EYA2: variants seen among roughly 807,000 people sequenced by gnomAD.
The protein encoded by EYA2 is EYA transcriptional coactivator and phosphatase 2, also known as protein phosphatase EYA2.
A neutral mutation model predicts 69.2 loss-of-function variants in EYA2; 31 were observed. The ratio of observed to expected loss-of-function variants is 0.45; its 90% confidence interval spans 0.34 to 0.60. EYA2 has a LOEUF of 0.60. Ranked by LOEUF, EYA2 falls within the 20% of genes least tolerant of loss-of-function variation. The pLI is 0.02. For synonymous variants in EYA2, 257 were observed against 279.4 expected, an observed-to-expected ratio of 0.92 and a Z score of 0.80; for missense variants, 622 against 701.2, an observed-to-expected ratio of 0.89 and a Z score of 1.28.
At chr20:47,118,822 A>C (rs2032971845) in intron 9 of EYA2, among the ~76,000 whole-genome samples, 1 of 152,170 alleles carries the variant, frequency 6.6e-6, no homozygotes. Flanking sequence ...CCACAGATTT[A>C]ACAAACACAG....
At chr20:47,121,168 C>T (rs2033034336) in intron 9 of EYA2, among the ~76,000 whole-genome samples, 1 of 152,138 alleles carries the variant, frequency 6.6e-6, no homozygotes, top group Non-Finnish European at 1.5e-5. Flanking sequence ...AACCTCAGCT[C>T]ACTGCAACCT....
At chr20:46,955,786 T>C (rs977224627) in intron 1 of EYA2, among the ~76,000 whole-genome samples, 1 of 152,252 alleles carries the variant, frequency 6.6e-6, no homozygotes, top group African/African-American at 2.4e-5. Flanking sequence ...GTAGTTCATG[T>C]TGCTTATATG....
chr20:47,030,858 G>A (rs1984371101), intron 5 of EYA2, among the ~76,000 whole-genome samples: 1 of 152,186 alleles, frequency 6.6e-6, no homozygotes, highest in Admixed American at 6.5e-5. Context: ...CTGGACTCAA[G>A]CGATCCTCTC....
At chr20:47,011,795 C>G (rs2146362726) in intron 4 of EYA2, among the ~76,000 whole-genome samples, 1 of 152,268 alleles carries the variant, frequency 6.6e-6, no homozygotes, top group Middle Eastern at 3.4e-3. Flanking sequence ...ACCTCCTTCC[C>G]TGCTTCATTC....
At chr20:47,010,789 ATTT>A (rs10608509) in intron 4 of EYA2, among the ~76,000 whole-genome samples, 112 of 138,638 alleles carry the variant, frequency 8.1e-4, no homozygotes, top group African/African-American at 1.2e-3. Flanking sequence ...AATTGAGTTG[ATTT>A]TTTTTTTTTT....
chr20:46,914,668 A>G (rs111701459), intron 1 of EYA2, among the ~76,000 whole-genome samples: 262 of 152,324 alleles, frequency 1.7e-3, no homozygotes, highest in African/African-American at 5.9e-3. Context: ...CCGTGATTCA[A>G]TTATCTCCAC....
intron 10 of EYA2, among the ~76,000 whole-genome samples, chr20:47,159,925 C>A (rs1222350891): frequency 2.0e-5 from 3 of 151,962 alleles, no homozygotes; most frequent in Admixed American, 1.3e-4. Context: ...GAGGCGGAGG[C>A]TGCAGTGAGC....
chr20:47,060,851 C>T (rs202175281), intron 5 of EYA2, among the ~76,000 whole-genome samples: 1 of 125,700 alleles, frequency 8.0e-6, no homozygotes, highest in Non-Finnish European at 1.7e-5. Flanking sequence ...CTCTCTCTCT[C>T]TTTTTTTTTT....
At chr20:47,037,861 A>T (rs569779562) in intron 5 of EYA2, among the ~76,000 whole-genome samples, 1 of 152,218 alleles carries the variant, frequency 6.6e-6, no homozygotes, top group South Asian at 2.1e-4. Context: ...TCCCTTTGCC[A>T]CACATGTAAC....
At chr20:47,055,999 CGACTT>C (rs1222863832) in intron 5 of EYA2, among the ~76,000 whole-genome samples, 1 of 152,190 alleles carries the variant, frequency 6.6e-6, no homozygotes, top group African/African-American at 2.4e-5. Flanking sequence ...GGCATTATCC[CGACTT>C]GTGTGGCAGA....
chr20:46,991,908 C>T (rs1333006140), intron 2 of EYA2, among the ~76,000 whole-genome samples: 5 of 139,390 alleles, frequency 3.6e-5, no homozygotes, highest in African/African-American at 1.3e-4. Context: ...GTGGAGTTTG[C>T]AGTGAGCCGA....
In EYA2 at chr20:47,131,991, G is replaced by A. The variant is rs187805674; in HGVS notation, c.889-11068G>A. ...AGATTTTGTTTTTGTCTTTGAAACA[G>A]GGTCTCACTCTGTTGCCCAGGCTGG... is the stretch of plus-strand genomic sequence containing the variant. On this transcript the variant is annotated intron_variant, in intron 9 of 15. Transcript: ENST00000327619. Among the ~76,000 whole-genome samples the A allele has an allele frequency of 2.2e-3, 334 of 152,284 alleles. 5 individuals are homozygous for A. Among genetic ancestry groups the A allele is most frequent in the African/African-American group, 7.7e-3 (322 of 41,556 alleles).
chr20:47,015,328 AGTT>A (rs1983342903), intron 4 of EYA2, among the ~76,000 whole-genome samples: 1 of 152,216 alleles, frequency 6.6e-6, no homozygotes, highest in Admixed American at 6.5e-5. Flanking sequence ...TTTCTCAGCC[AGTT>A]GTTCATGGAA....
At chr20:47,156,127 C>CATATATAT (rs752111640) in intron 10 of EYA2, among the ~76,000 whole-genome samples, 6 of 14,658 alleles carry the variant, frequency 4.1e-4, no homozygotes, top group East Asian at 3.0e-3. Flanking sequence ...CACACACACA[C>CATATATAT]ATATATATAT....
intron 1 of EYA2, among the ~76,000 whole-genome samples, chr20:46,974,521 C>G (rs1980335675): frequency 6.6e-6 from 1 of 152,128 alleles, no homozygotes; most frequent in African/African-American, 2.4e-5. Context: ...AGCAAAATGC[C>G]TCTGCAACCT....
At chr20:47,080,107 G>C (rs367947021) in intron 7 of EYA2, among the ~76,000 whole-genome samples, 1 of 152,090 alleles carries the variant, frequency 6.6e-6, no homozygotes, top group Non-Finnish European at 1.5e-5. Context: ...ACAAGTTTCA[G>C]TACCTTTAAA....
intron 1 of EYA2, among the ~76,000 whole-genome samples, chr20:46,983,834 G>A (rs899877747): frequency 6.6e-6 from 1 of 152,094 alleles, no homozygotes; most frequent in African/African-American, 2.4e-5. Context: ...GTGTCTTGAG[G>A]GGAAAATTGA....
At chr20:47,007,774 C>T (rs140922980) in intron 4 of EYA2, among the ~76,000 whole-genome samples, 3 of 152,096 alleles carry the variant, frequency 2.0e-5, no homozygotes, top group Non-Finnish European at 2.9e-5. Flanking sequence ...CACTACCTCC[C>T]CTGGCTAATT....
chr20:47,003,590 T>A (rs1982511218), intron 3 of EYA2, among the ~76,000 whole-genome samples: 1 of 152,220 alleles, frequency 6.6e-6, no homozygotes, highest in Non-Finnish European at 1.5e-5. Flanking sequence ...GCACGTAACC[T>A]CCTGGTTTTC....
Sources: gnomAD v4.1 joint callset for allele counts (sites outside exome capture counted in the v4.1 genomes callset) on GRCh38, gnomAD v4.1.1 for gene constraint, MANE v1.5 for transcripts, NCBI Gene and HGNC (gene_info 2026-07-23, HGNC 2026-07-21) for gene names.